Variants in RANBP17 observed in about 807,000 individuals in gnomAD.
RANBP17 encodes the protein RAN binding protein 17.
Under a neutral mutation model 141.2 loss-of-function variants are expected in RANBP17, and 158 were observed. The ratio of observed to expected loss-of-function variants is 1.12; its 90% CI spans 0.98 to 1.28. The LOEUF (loss-of-function observed/expected upper bound fraction) is 1.28. Ranked by LOEUF, RANBP17 falls within the 50% of genes most tolerant of loss-of-function variation. The pLI, the probability that RANBP17 is intolerant of heterozygous loss-of-function variation, is 0.00. For synonymous variants in RANBP17, 430 were observed against 450.0 expected (o/e 0.96, Z 0.56); for missense variants, 1,438 against 1,290.7 (o/e 1.11, Z -1.75).
At chr5:170,871,957 C>A (rs1019891695) in intron 1 of RANBP17, among the ~76,000 whole-genome samples, 1 of 152,112 alleles carries the variant, frequency 6.6e-6, no homozygotes, top group African/African-American at 2.4e-5. Flanking sequence ...TAGTGTGATG[C>A]CTCCAGCTTT....
chr5:171,059,564 T>C (rs1478505013), intron 14 of RANBP17, among the ~76,000 whole-genome samples: 1 of 152,138 alleles, frequency 6.6e-6, no homozygotes, highest in Non-Finnish European at 1.5e-5. Flanking sequence ...TTGGTTACTG[T>C]AGCCTTGTAG....
intron 5 of RANBP17, among the ~76,000 whole-genome samples, chr5:170,899,556 T>C (rs1344577645): frequency 6.6e-6 from 1 of 152,210 alleles, no homozygotes; most frequent in Non-Finnish European, 1.5e-5. Flanking sequence ...CAATACTACA[T>C]TGAATAGGAG....
intron 11 of RANBP17, among the ~76,000 whole-genome samples, chr5:170,923,820 T>C (rs1391152129): frequency 6.6e-6 from 1 of 152,180 alleles, no homozygotes; most frequent in Non-Finnish European, 1.5e-5. Flanking sequence ...CTAATACAGG[T>C]CATTTTGTAT....
intron 22 of RANBP17, among the ~76,000 whole-genome samples, chr5:171,236,620 A>C (rs1033986011): frequency 1.3e-5 from 2 of 152,148 alleles, no homozygotes; most frequent in African/African-American, 4.8e-5. Context: ...AGTTCCTCCA[A>C]ATGTGAACTT....
chr5:170,936,893 C>G (rs1304954064), intron 12 of RANBP17, among the ~76,000 whole-genome samples: 1 of 152,094 alleles, frequency 6.6e-6, no homozygotes, highest in African/African-American at 2.4e-5. Context: ...ATTGTTATGT[C>G]TTCCTTATTG....
At chr5:171,192,169 C>T (rs1761693977) in intron 18 of RANBP17, among the ~76,000 whole-genome samples, 1 of 152,074 alleles carries the variant, frequency 6.6e-6, no homozygotes, top group Non-Finnish European at 1.5e-5. Context: ...AGGAAGAATA[C>T]ATCAATGTAT....
At chr5:170,949,101 C>A (rs1775002358) in intron 12 of RANBP17, among the ~76,000 whole-genome samples, 1 of 152,164 alleles carries the variant, frequency 6.6e-6, no homozygotes, top group African/African-American at 2.4e-5. Flanking sequence ...ATGATTTTGT[C>A]ACTGCCCTCC....
chr5:171,184,767 G>GT (rs895504877), intron 18 of RANBP17, among the ~76,000 whole-genome samples: 2 of 152,110 alleles, frequency 1.3e-5, no homozygotes, highest in African/African-American at 4.8e-5. Context: ...AAGTCACACC[G>GT]TTTTTGTTTT....
rs530146721 is a variant in RANBP17 at position 171,235,610 on chromosome 5, A to G, written c.2423-5318A>G. On this transcript the variant is annotated intron_variant, in intron 22 of 27. Coordinates refer to ENST00000523189, the MANE Select transcript of RANBP17 (RefSeq NM_022897.5). ...GAAATTGATGTACACACACACACAC[A>G]TATATTTTTTCAAGATGGGGTCTCA... Among the ~76,000 whole-genome samples, 10 of 152,190 alleles carry G rather than the reference A, an allele frequency of 6.6e-5. No homozygotes were observed. The Middle Eastern group carries it at 0.01, about 155-fold the overall frequency.
At position 171,271,576 on chromosome 5, in the gene RANBP17, C is replaced by G. The variant is rs934638029; in HGVS notation, c.2943+5729C>G. ...TCAGATTTTCTAATGTTAATAAAGA[C>G]ATTTCCAGTGATCCTTAAATAAAAA... On this transcript the variant is annotated intron_variant, in intron 25 of 27. Transcript: ENST00000523189. 3 of 209,824 alleles carry G rather than the reference C, an allele frequency of 1.4e-5. No individual in the cohort carries two copies. The East Asian group carries it at 2.2e-4, about 15-fold the overall frequency. 13.0% of individuals were successfully genotyped at this position (209,824 alleles called of 1,614,324 possible).
intron 14 of RANBP17, among the ~76,000 whole-genome samples, chr5:171,030,171 G>A (rs1007483512): frequency 1.9e-4 from 29 of 152,008 alleles, no homozygotes; most frequent in African/African-American, 6.8e-4. Context: ...TAAGGTAAAT[G>A]GGTTGTAAGA....
At chr5:170,932,717 A>G (rs899779393) in intron 12 of RANBP17, among the ~76,000 whole-genome samples, 29 of 152,120 alleles carry the variant, frequency 1.9e-4, no homozygotes, top group African/African-American at 6.7e-4. Context: ...ACATTTATTG[A>G]TTTGCATATG....
intron 14 of RANBP17, among the ~76,000 whole-genome samples, chr5:171,132,080 A>G (rs1756961134): frequency 6.6e-6 from 1 of 152,148 alleles, no homozygotes; most frequent in African/African-American, 2.4e-5. Context: ...CAAGCAGTAA[A>G]TGTATATTTA....
intron 13 of RANBP17, among the ~76,000 whole-genome samples, chr5:170,967,104 G>A (rs917830824): frequency 3.3e-5 from 5 of 152,110 alleles, no homozygotes. Flanking sequence ...AGCAGCTTCA[G>A]AAGAGAATGA....
intron 22 of RANBP17, among the ~76,000 whole-genome samples, chr5:171,233,811 A>G (rs1764357440): frequency 6.6e-6 from 1 of 152,226 alleles, no homozygotes. Context: ...ATAATGGTGG[A>G]TGCATATTCA....
intron 16 of RANBP17, among the ~76,000 whole-genome samples, chr5:171,177,346 G>A (rs1760553384): frequency 6.6e-6 from 1 of 151,964 alleles, no homozygotes; most frequent in African/African-American, 2.4e-5. Flanking sequence ...GTTTTGATCT[G>A]ATCATTTCTC....
At chr5:171,238,265 CA>C (rs908309933) in intron 22 of RANBP17, among the ~76,000 whole-genome samples, 1 of 152,072 alleles carries the variant, frequency 6.6e-6, no homozygotes, top group South Asian at 2.1e-4. Flanking sequence ...ATTTTTCACA[CA>C]AAAAAATTTG....
At chr5:170,957,307 G>T (rs895823412) in intron 13 of RANBP17, among the ~76,000 whole-genome samples, 3 of 152,066 alleles carry the variant, frequency 2.0e-5, no homozygotes, top group African/African-American at 7.2e-5. Context: ...TTTTTCTGGA[G>T]GTTAGGGAGA....
chr5:170,999,401 T>C (rs1420965394), intron 14 of RANBP17, among the ~76,000 whole-genome samples: 1 of 152,148 alleles, frequency 6.6e-6, no homozygotes, highest in Non-Finnish European at 1.5e-5. Context: ...CAATTATCGC[T>C]GAAATGCATG....
Sources: gnomAD v4.1 joint callset for allele counts (sites outside exome capture counted in the v4.1 genomes callset) on GRCh38, gnomAD v4.1.1 for gene constraint, MANE v1.5 for transcripts, NCBI Gene and HGNC (gene_info 2026-07-23, HGNC 2026-07-21) for gene names.